Variants in THRB observed in about 807,000 individuals in gnomAD.
The protein encoded by THRB is thyroid hormone receptor beta, also known as nuclear receptor subfamily 1 group A member 2.
A neutral mutation model predicts 47.8 loss-of-function variants in THRB; 12 were observed. That is an observed-to-expected ratio of 0.25 (90% CI 0.16 to 0.41). The LOEUF (loss-of-function observed/expected upper bound fraction) is 0.41. Ranked by LOEUF, THRB falls within the 10% of genes least tolerant of loss-of-function variation. THRB has a pLI of 1.00. For synonymous variants in THRB, 218 were observed against 212.2 expected, an observed-to-expected ratio of 1.03 and a Z score of -0.24; for missense variants, 348 against 589.2, an observed-to-expected ratio of 0.59 and a Z score of 4.24.
At chr3:24,137,227 C>T (rs2034795743) in intron 8 of THRB, among the ~76,000 whole-genome samples, 1 of 152,174 alleles carries the variant, frequency 6.6e-6, no homozygotes. Context: ...TTGTGGAGGA[C>T]AGAATGCTTA....
chr3:24,343,951 A>ATT (rs1402197684), intron 1 of THRB, among the ~76,000 whole-genome samples: 1 of 145,336 alleles, frequency 6.9e-6, no homozygotes, highest in Non-Finnish European at 1.5e-5. Flanking sequence ...ATTATATATT[A>ATT]TTTATATATA....
chr3:24,157,879 A>G lies in THRB; in HGVS notation c.284-5389T>C, dbSNP rs56265998. On this transcript the variant is annotated intron_variant, in intron 5 of 10. Transcript: ENST00000646209. Reference sequence around the variant, plus strand: ...GTTTGGGCATAGTATAGTTTAATGTATAAGAAGTACCTAGTGAAATGTTCC... The same window carrying G: ...GTTTGGGCATAGTATAGTTTAATGTGTAAGAAGTACCTAGTGAAATGTTCC... Among the ~76,000 whole-genome samples the G allele has an allele frequency of 7.1e-3, 1,086 of 152,286 alleles. 13 individuals are homozygous for G. The highest frequency in any genetic ancestry group is 0.025 in the African/African-American group (1,025 of 41,558).
chr3:24,123,230 T>C, intron 10 of THRB, 105 bp from the exon 11 acceptor site: 2 of 1,530,364 alleles, frequency 1.3e-6, no homozygotes, highest in Non-Finnish European at 1.8e-6. Context: ...TCTAGGGTCT[T>C]CCCTCTTAGC....
intron 1 of THRB, among the ~76,000 whole-genome samples, chr3:24,471,337 C>A (rs934413172): frequency 1.3e-5 from 2 of 152,114 alleles, no homozygotes; most frequent in Non-Finnish European, 2.9e-5. Flanking sequence ...GATTATAACG[C>A]CGCTCAAGTT....
Position 24,146,699 on chromosome 3 carries a change from T to C in THRB, c.508A>G (p.Ile170Val), listed in dbSNP as rs746276472. The C allele has an allele frequency of 1.9e-6, 3 of 1,614,104 alleles. No individual in the cohort carries two copies. Among genetic ancestry groups the C allele is most frequent in the Non-Finnish European group, 1.7e-6 (2 of 1,180,024 alleles). ...CAATCTGTTGCCATGCCAACATAGATGCATTTCTTAAAGCGACATTCCTGG... is the reference window on the plus strand; with the variant it reads ...CAATCTGTTGCCATGCCAACATAGACGCATTTCTTAAAGCGACATTCCTGG... ...QCQECRFKKC[I>V]YVGMATDLVL... is the part of the protein sequence containing the mutation. The change falls in exon 7 of 11, where the codon ATC becomes GTC. Residue 170 changes from isoleucine (I) to valine (V), a missense_variant. By Grantham distance (29) the Ile-to-Val change is conservative (BLOSUM62 3). Around this residue, in one of 5 missense-constraint regions of THRB, gnomAD observed 112 missense variants for 212.3 expected, o/e 0.53. Transcript: ENST00000646209.
intron 3 of THRB, among the ~76,000 whole-genome samples, chr3:24,286,342 T>G (rs1336749196): frequency 6.6e-6 from 1 of 152,220 alleles, no homozygotes; most frequent in Non-Finnish European, 1.5e-5. Context: ...AGCATTATAT[T>G]TTTTGTACTC....
intron 6 of THRB, among the ~76,000 whole-genome samples, chr3:24,149,712 G>A (rs2036627505): frequency 4.0e-5 from 6 of 151,804 alleles, no homozygotes. Context: ...CCTTTCTTAA[G>A]CTATAATTAA....
intron 1 of THRB, among the ~76,000 whole-genome samples, chr3:24,375,376 TATA>T (rs530841345): frequency 2.8e-4 from 39 of 141,540 alleles, no homozygotes; most frequent in East Asian, 9.8e-4. Flanking sequence ...TATTTAGACA[TATA>T]ATATTAATAT....
intron 1 of THRB, among the ~76,000 whole-genome samples, chr3:24,462,065 T>C (rs1305109503): frequency 6.6e-6 from 1 of 152,176 alleles, no homozygotes; most frequent in African/African-American, 2.4e-5. Context: ...ACACCAACAT[T>C]TCAACGGTGG....
At chr3:24,229,136 C>T (rs868761912) in intron 3 of THRB, 135 bp from the exon 4 acceptor site, 15 of 625,952 alleles carry the variant, frequency 2.4e-5, no homozygotes, top group Middle Eastern at 4.3e-4. Context: ...CTGGGGACAC[C>T]GAAGCATAGG....
At chr3:24,270,053 T>A (rs999824230) in intron 3 of THRB, among the ~76,000 whole-genome samples, 2 of 152,160 alleles carry the variant, frequency 1.3e-5, no homozygotes, top group Admixed American at 1.3e-4. Flanking sequence ...GGAAATAAAC[T>A]TTTTTTAATG....
At chr3:24,363,044 G>T (rs374365706) in intron 1 of THRB, among the ~76,000 whole-genome samples, 6 of 152,240 alleles carry the variant, frequency 3.9e-5, no homozygotes, top group African/African-American at 1.4e-4. Flanking sequence ...ATTTCCTGTG[G>T]TTAGGGTAAT....
At position 24,165,518 on chromosome 3, in the gene THRB, C is replaced by T; in HGVS notation, c.284-13028G>A. 8.6e-6 allele frequency: 5 copies of T among 580,146 alleles called. No individual in the cohort carries two copies. The South Asian group carries it at 1.1e-4, about 13-fold the overall frequency. 35.9% of individuals were successfully genotyped at this position (580,146 alleles called of 1,614,324 possible). ...ATAAACACCACCACCAACACAGCAA[C>T]CCAGCCTGCTTTACTTTGTAATAGC... On this transcript the variant is annotated intron_variant, in intron 5 of 10. Transcript: ENST00000646209.
At chr3:24,130,199 A>G (rs1051726619) in intron 9 of THRB, among the ~76,000 whole-genome samples, 9 of 152,158 alleles carry the variant, frequency 5.9e-5, no homozygotes, top group African/African-American at 2.2e-4. Context: ...AGACCACACG[A>G]TATCAGGGTA....
At chr3:24,123,512 G>A (rs915729474) in intron 10 of THRB, among the ~76,000 whole-genome samples, 1 of 152,174 alleles carries the variant, frequency 6.6e-6, no homozygotes, top group African/African-American at 2.4e-5. Context: ...GAGAGGATGA[G>A]CGTGGACATG....
At chr3:24,362,939 C>T (rs963987722) in intron 1 of THRB, among the ~76,000 whole-genome samples, 1 of 152,104 alleles carries the variant, frequency 6.6e-6, no homozygotes, top group Non-Finnish European at 1.5e-5. Context: ...CAACTGGAAT[C>T]TAGAAGTGGA....
intron 4 of THRB, among the ~76,000 whole-genome samples, chr3:24,199,044 T>C (rs938050354): frequency 2.6e-5 from 4 of 152,230 alleles, no homozygotes; most frequent in African/African-American, 7.2e-5. Context: ...TCAGGCTACA[T>C]AGACTAGGCT....
At chr3:24,176,255 G>A (rs1014588666) in intron 5 of THRB, among the ~76,000 whole-genome samples, 1 of 152,072 alleles carries the variant, frequency 6.6e-6, no homozygotes, top group Non-Finnish European at 1.5e-5. Flanking sequence ...AGATAAAGTA[G>A]ATATGTTTCC....
chr3:24,326,166 T>C (rs781510383), intron 2 of THRB, among the ~76,000 whole-genome samples: 13 of 152,222 alleles, frequency 8.5e-5, no homozygotes, highest in Non-Finnish European at 1.5e-4. Context: ...ACTAGAATGA[T>C]TGTTCACCTT....
Sources: gnomAD v4.1 joint callset for allele counts (sites outside exome capture counted in the v4.1 genomes callset) on GRCh38, gnomAD v4.1.1 for gene constraint, gnomAD v4.1.1 regional missense constraint, MANE v1.5 for transcripts, NCBI Gene and HGNC (gene_info 2026-07-23, HGNC 2026-07-21) for gene names.